PFKFB4: variants seen among roughly 807,000 people sequenced by gnomAD.
The protein encoded by PFKFB4 is 6-phosphofructo-2-kinase/fructose-2,6-biphosphatase 4.
PFKFB4 carries 42 observed loss-of-function variants against 62.8 expected under a neutral mutation model. The ratio of observed to expected loss-of-function variants is 0.67; its 90% confidence interval spans 0.52 to 0.86. The LOEUF (loss-of-function observed/expected upper bound fraction) is 0.86. PFKFB4 is among the 40% of genes least tolerant of loss of function. PFKFB4 has a pLI of 0.00. For missense variants in PFKFB4, 475 were observed against 627.2 expected (o/e 0.76, Z 2.59); for synonymous variants, 204 against 240.7 (o/e 0.85, Z 1.41).
rs763319558 is a variant in PFKFB4 at position 48,556,736 on chromosome 3, C to G, written c.42G>C (p.Lys14Asn). 6.8e-6 allele frequency: 11 copies of G among 1,608,266 alleles called. No homozygotes were observed. The Admixed American group carries it at 1.7e-4, about 25-fold the overall frequency. The change falls in exon 1 of 14, where the codon AAG becomes AAC. Residue 14 changes from lysine to asparagine, a missense_variant. Lys to Asn is a moderately conservative substitution (Grantham distance 94). Coordinates refer to ENST00000232375, the MANE Select transcript of PFKFB4 (RefSeq NM_004567.4). This position sits in a 1 kb window ranked among gnomAD's most constrained non-coding sequence, Gnocchi z 5.7. ...PRELTQNPLK[K>N]IWMPYSNGRP... ...GCCCATTGCTGTATGGCATCCAGAT[C>G]TTCTTCAGGGGGTTCTGTGTCAATT...
chr3:48,561,029 T>A (rs2043424325), upstream of PFKFB4: 3 of 1,245,144 alleles, frequency 2.4e-6, no homozygotes, highest in Admixed American at 2.5e-5. The surrounding 1 kb of genome is among the most constrained non-coding windows in gnomAD (Gnocchi z 5.2). Flanking sequence ...CCCTCCACCC[T>A]CCCCACGCTG....
intron 3 of PFKFB4, among the ~76,000 whole-genome samples, chr3:48,544,184 A>G (rs564198934): frequency 2.8e-4 from 43 of 151,968 alleles, no homozygotes; most frequent in African/African-American, 9.6e-4. Context: ...GCTAATTTTT[A>G]TATTTCAAAA....
chr3:48,535,740 T>A (rs2042580955), intron 8 of PFKFB4, 82 bp from the exon 9 acceptor site: 2 of 1,538,458 alleles, frequency 1.3e-6, no homozygotes, highest in East Asian at 4.5e-5. Context: ...GTCCATGAGA[T>A]CACCCTCGCC....
At chr3:48,543,111 G>A (rs1424852854) in intron 4 of PFKFB4, among the ~76,000 whole-genome samples, 1 of 152,162 alleles carries the variant, frequency 6.6e-6, no homozygotes, top group African/African-American at 2.4e-5. Flanking sequence ...TAAGGCTGGG[G>A]TAGAGCCGTT....
chr3:48,550,554 C>T (rs1448623780), intron 1 of PFKFB4, among the ~76,000 whole-genome samples: 2 of 152,170 alleles, frequency 1.3e-5, no homozygotes, highest in African/African-American at 4.8e-5. Flanking sequence ...AGGGGGGTCC[C>T]CACCGCATGA....
chr3:48,541,976 A>G (rs73078304), intron 4 of PFKFB4, among the ~76,000 whole-genome samples: 14,568 of 152,076 alleles, frequency 0.096, 888 homozygotes, highest in South Asian at 0.13. Context: ...GGAAATAAAA[A>G]ACAACAACAC....
At chr3:48,529,242 G>T (rs986530520) in intron 9 of PFKFB4, among the ~76,000 whole-genome samples, 2 of 151,874 alleles carry the variant, frequency 1.3e-5, no homozygotes, top group Non-Finnish European at 2.9e-5. Context: ...TATGGTATAT[G>T]AATTATATCT....
chr3:48,522,020 A>T lies in PFKFB4; in HGVS notation c.1316T>A (p.Val439Glu), dbSNP rs2107446942. ...GTCCCGGTGCGTGTTCACAGCAGCC[A>T]CGTTCAGGAATATGGACTCCACTTT... ...GCKVESIFLN[V>E]AAVNTHRDRP... is the part of the protein sequence containing the mutation. The change falls in exon 13 of 14, where the codon GTG becomes GAG. Residue 439 changes from valine to glutamate, a missense_variant. Coordinates refer to ENST00000232375, the MANE Select transcript of PFKFB4 (RefSeq NM_004567.4). The T allele has an allele frequency of 6.2e-7, 1 of 1,614,206 alleles. No individual in the cohort carries two copies. Among genetic ancestry groups the T allele is most frequent in the Admixed American group, 1.7e-5 (1 of 60,030 alleles).
At chr3:48,553,287 A>G (rs2043212094) in intron 1 of PFKFB4, among the ~76,000 whole-genome samples, 1 of 152,228 alleles carries the variant, frequency 6.6e-6, no homozygotes, top group African/African-American at 2.4e-5. Context: ...CAGCTTGGCC[A>G]ACATGGTGAA....
intron 9 of PFKFB4, among the ~76,000 whole-genome samples, chr3:48,531,836 A>G (rs2042437388): frequency 6.6e-6 from 1 of 152,084 alleles, no homozygotes; most frequent in Admixed American, 6.6e-5. Context: ...AGGAATAACA[A>G]ATCAAAACCA....
chr3:48,543,580 C>A lies in PFKFB4; in HGVS notation c.378G>T (p.Ala126=), dbSNP rs1219948013. The part of the protein sequence containing the change: ...RFLSEEGGHV[A]VFDATNTTRE... ...GCTGTCACCAGGGTGTCACACTCAC[C>A]GCCACATGTCCCCCCTCCTCACTAA... The change falls in exon 4 of 14, where the codon GCG becomes GCT. Residue 126 remains alanine (A), a splice_region_variant and synonymous_variant. Transcript: ENST00000232375. 4 of 1,607,734 alleles carry A rather than the reference C, an allele frequency of 2.5e-6. No individual in the cohort carries two copies. Among genetic ancestry groups the A allele is most frequent in the Non-Finnish European group, 3.4e-6 (4 of 1,177,538 alleles).
chr3:48,546,217 G>A (rs9810991), intron 3 of PFKFB4, among the ~76,000 whole-genome samples: 22,307 of 152,098 alleles, frequency 0.15, 3,673 homozygotes, highest in African/African-American at 0.4. Context: ...CCCTGTGTGC[G>A]GTATGTGACT....
intron 3 of PFKFB4, chr3:48,548,025 A>C (rs571234941): frequency 6.6e-6 from 1 of 152,388 alleles, no homozygotes; most frequent in African/African-American, 2.4e-5. Flanking sequence ...GTATGCCTGC[A>C]GAAAGGCAGC....
At chr3:48,534,331 C>T (rs2042523389) in intron 9 of PFKFB4, among the ~76,000 whole-genome samples, 1 of 152,010 alleles carries the variant, frequency 6.6e-6, no homozygotes, top group South Asian at 2.1e-4. Context: ...AAATGATGGC[C>T]AACAATTCTT....
At position 48,556,531 on chromosome 3, in the gene PFKFB4, C is replaced by A. The variant is rs978020207; in HGVS notation, c.97+150G>T. On this transcript the variant is annotated intron_variant, in intron 1 of 13. Transcript: ENST00000232375. This position sits in a 1 kb window ranked among gnomAD's most constrained non-coding sequence, Gnocchi z 5.7. ...CCACTGTCACGACCGCCTCACCTGT[C>A]CCCAGCAGCCTCCCCAGTCACGGCA... The A allele has an allele frequency of 7.6e-6, 7 of 926,080 alleles. No individual in the cohort carries two copies. The highest frequency in any genetic ancestry group is 1.1e-5 in the Non-Finnish European group (7 of 627,326). 57.4% of individuals were successfully genotyped at this position (926,080 alleles called of 1,614,324 possible).
chr3:48,546,368 G>GGT (rs1285975882), intron 3 of PFKFB4, among the ~76,000 whole-genome samples: 4 of 148,040 alleles, frequency 2.7e-5, no homozygotes, highest in East Asian at 2.0e-4. Context: ...GTGTACACAT[G>GGT]GTGTGTGTGT....
At chr3:48,525,122 C>T (rs1414603942) in intron 10 of PFKFB4, among the ~76,000 whole-genome samples, 1 of 152,176 alleles carries the variant, frequency 6.6e-6, no homozygotes, top group African/African-American at 2.4e-5. Flanking sequence ...CCCCAACTCC[C>T]CAGCCATTTG....
upstream of PFKFB4, chr3:48,559,821 G>A: frequency 2.9e-6 from 1 of 344,536 alleles, no homozygotes; most frequent in South Asian, 2.1e-5. Flanking sequence ...CCATGTGGTG[G>A]CCAGTTCTCA....
intron 5 of PFKFB4, 173 bp downstream of exon 5, chr3:48,539,524 C>T: frequency 1.4e-6 from 1 of 711,678 alleles, no homozygotes; most frequent in Non-Finnish European, 2.4e-6. Flanking sequence ...CACGAAAACC[C>T]CCTTCCCTCT....
Sources: gnomAD v4.1 joint callset for allele counts (sites outside exome capture counted in the v4.1 genomes callset) on GRCh38, gnomAD v4.1.1 for gene constraint, Gnocchi (gnomAD v3.1) non-coding constraint, MANE v1.5 for transcripts, NCBI Gene and HGNC (gene_info 2026-07-23, HGNC 2026-07-21) for gene names.